MVB12B: variants seen among roughly 807,000 people sequenced by gnomAD.
MVB12B encodes ESCRT-I complex subunit MVB12B.
Under a neutral mutation model 41.6 loss-of-function variants are expected in MVB12B, and 16 were observed. That is an observed-to-expected ratio of 0.38 (90% CI 0.26 to 0.58). MVB12B has a LOEUF of 0.58. MVB12B is among the 20% of genes least tolerant of loss of function. MVB12B has a pLI of 0.62. For missense variants in MVB12B, 274 were observed against 380.2 expected, an observed-to-expected ratio of 0.72 and a Z score of 2.32; for synonymous variants, 133 against 139.7, an observed-to-expected ratio of 0.95 and a Z score of 0.34.
intron 6 of MVB12B, among the ~76,000 whole-genome samples, chr9:126,421,494 C>T (rs1017055400): frequency 6.6e-6 from 1 of 152,346 alleles, no homozygotes; most frequent in South Asian, 2.1e-4. Context: ...GTGTTCAGCG[C>T]CTGGGTTGTT....
In MVB12B at chr9:126,333,843, T is replaced by TTCCATCCA. The variant is rs59801697; in HGVS notation, c.82-6627_82-6620dup. The stretch of plus-strand genomic sequence containing the variant: ...CCATGGAAGATTACCTTTAGGTTCA[T>TTCCATCCA]TCCATCCATCCATCCATCCATCCAT... On this transcript the variant is annotated intron_variant, in intron 1 of 9. Coordinates refer to ENST00000361171, the MANE Select transcript of MVB12B (RefSeq NM_033446.3). This position sits in a 1 kb window ranked among gnomAD's most constrained non-coding sequence, Gnocchi z 4.7. Among the ~76,000 whole-genome samples, 13 of 149,668 alleles carry TTCCATCCA rather than the reference T, an allele frequency of 8.7e-5. No homozygotes were observed. Among genetic ancestry groups the TTCCATCCA allele is most frequent in the African/African-American group, 1.7e-4 (7 of 40,450 alleles).
rs1295587829 is a variant in MVB12B, at chr9:126,350,036, A to ATGG, written c.204+9406_204+9407insTGG. Among the ~76,000 whole-genome samples the ATGG allele has an allele frequency of 3.5e-4, 54 of 152,248 alleles. 1 individual carries two copies. Among genetic ancestry groups the ATGG allele is most frequent in the Admixed American group, 5.2e-4 (8 of 15,288 alleles). Reference sequence around the variant, plus strand: ...ATTTTTTTGTTTTAGCCATTCTGACACGTGCATAGTGATAATTCATTTGGT... The same window carrying ATGG: ...ATTTTTTTGTTTTAGCCATTCTGACATGGCGTGCATAGTGATAATTCATTTGGT... On this transcript the variant is annotated intron_variant, in intron 2 of 9. Coordinates refer to ENST00000361171, the MANE Select transcript of MVB12B (RefSeq NM_033446.3).
chr9:126,499,525 A>G (rs925868592), intron 9 of MVB12B, among the ~76,000 whole-genome samples: 1 of 152,228 alleles, frequency 6.6e-6, no homozygotes, highest in South Asian at 2.1e-4. Flanking sequence ...ATCCGGGTCC[A>G]AATCCACCTT....
chr9:126,430,203 G>A (rs1832294184), intron 7 of MVB12B, among the ~76,000 whole-genome samples: 3 of 152,074 alleles, frequency 2.0e-5, no homozygotes, highest in Admixed American at 2.0e-4. Context: ...ACACCTTTGT[G>A]CCCCTCCACA....
At chr9:126,430,934 T>C (rs1013143693) in intron 7 of MVB12B, among the ~76,000 whole-genome samples, 9 of 152,212 alleles carry the variant, frequency 5.9e-5, no homozygotes, top group African/African-American at 2.2e-4. Context: ...TCCTGGATTG[T>C]TGTGAAGATC....
chr9:126,335,262 C>G, intron 1 of MVB12B: 1 of 1,255,428 alleles, frequency 8.0e-7, no homozygotes, highest in Non-Finnish European at 1.0e-6. Context: ...GTCCAAAGTT[C>G]AGAAGGTGTC....
At position 126,367,240 on chromosome 9, in the gene MVB12B, C is replaced by G. The variant is rs1435221528; in HGVS notation, c.205-13824C>G. On this transcript the variant is annotated intron_variant, in intron 2 of 9. Transcript: ENST00000361171. This position sits in a 1 kb window ranked among gnomAD's most constrained non-coding sequence, Gnocchi z 4.3. ...GAATTTCTCCTTCCTGCCCGGGGCTCTCCAGCCACGCTCCCCCTCTTGCTC... is the reference window on the plus strand; with the variant it reads ...GAATTTCTCCTTCCTGCCCGGGGCTGTCCAGCCACGCTCCCCCTCTTGCTC... Among the ~76,000 whole-genome samples the G allele has an allele frequency of 6.6e-6, 1 of 152,104 alleles. No individual in the cohort carries two copies. The highest frequency in any genetic ancestry group is 1.5e-5 in the Non-Finnish European group (1 of 68,026).
intron 2 of MVB12B, among the ~76,000 whole-genome samples, chr9:126,368,826 CCTGA>C (rs1280680358): frequency 5.2e-4 from 79 of 152,304 alleles, no homozygotes; most frequent in African/African-American, 1.8e-3. Flanking sequence ...CATTTTTCTT[CCTGA>C]CTTTTTTCTC....
chr9:126,463,826 T>A (rs1028589094), intron 7 of MVB12B, among the ~76,000 whole-genome samples: 13 of 152,218 alleles, frequency 8.5e-5, no homozygotes, highest in Non-Finnish European at 1.9e-4. Context: ...CCATTTTTTT[T>A]AACCTGTAGG....
chr9:126,398,953 G>C (rs146931306), intron 6 of MVB12B, among the ~76,000 whole-genome samples: 27 of 152,368 alleles, frequency 1.8e-4, no homozygotes, highest in African/African-American at 6.0e-4. Flanking sequence ...TGCACCGTCT[G>C]TAGGCCATCA....
At chr9:126,355,159 C>T (rs1829848643) in intron 2 of MVB12B, among the ~76,000 whole-genome samples, 1 of 152,160 alleles carries the variant, frequency 6.6e-6, no homozygotes, top group Non-Finnish European at 1.5e-5. Context: ...GCTTCTTTTT[C>T]CTTAATATAG....
intron 9 of MVB12B, among the ~76,000 whole-genome samples, chr9:126,487,723 C>T (rs1004022714): frequency 6.7e-6 from 1 of 149,862 alleles, no homozygotes; most frequent in Non-Finnish European, 1.5e-5. Flanking sequence ...GCCGAGATTG[C>T]ACCATTGCAT....
At position 126,505,925 on chromosome 9, in the gene MVB12B, T is replaced by G. The variant is rs10739677; in HGVS notation, c.*2662T>G. ...CCCCACAGCACTTCCCACTACTGCT[T>G]CTGTCCCTGCTGGCAGCCTCTGTCC... On this transcript the variant is annotated 3_prime_UTR_variant, in exon 10 of 10. Coordinates refer to ENST00000361171, the MANE Select transcript of MVB12B (RefSeq NM_033446.3). 83,770 of 152,052 alleles carry G rather than the reference T, an allele frequency of 0.55. 24,272 individuals are homozygous for G. The highest frequency in any genetic ancestry group is 0.75 in the African/African-American group (30,980 of 41,446). The allele number at this position is 152,052 out of a possible 1,614,324, so 9.4% of individuals were successfully genotyped here.
At chr9:126,498,768 C>T (rs1010089230) in intron 9 of MVB12B, among the ~76,000 whole-genome samples, 7 of 152,220 alleles carry the variant, frequency 4.6e-5, no homozygotes, top group Non-Finnish European at 8.8e-5. Context: ...TGCCTTTTCT[C>T]GTCTGGAGCC....
At chr9:126,414,507 A>T (rs1831750499) in intron 6 of MVB12B, among the ~76,000 whole-genome samples, 1 of 152,222 alleles carries the variant, frequency 6.6e-6, no homozygotes, top group Non-Finnish European at 1.5e-5. Flanking sequence ...AGATTTTGGA[A>T]TAATAATCCA....
intron 7 of MVB12B, among the ~76,000 whole-genome samples, chr9:126,432,626 C>A (rs1832359921): frequency 6.6e-6 from 1 of 152,140 alleles, no homozygotes; most frequent in Admixed American, 6.5e-5. Context: ...GTTATTTAAT[C>A]CCAACAAATC....
intron 9 of MVB12B, among the ~76,000 whole-genome samples, chr9:126,498,067 G>A (rs573631518): frequency 1.3e-5 from 2 of 152,324 alleles, no homozygotes; most frequent in East Asian, 3.9e-4. Flanking sequence ...CGTGGGCACT[G>A]TGCTGGGCCC....
At chr9:126,425,659 G>A (rs1216927198) in intron 7 of MVB12B, among the ~76,000 whole-genome samples, 2 of 151,992 alleles carry the variant, frequency 1.3e-5, no homozygotes, top group African/African-American at 4.8e-5. Context: ...CTGTTCATTC[G>A]AGTTCCTCAG....
chr9:126,488,144 A>G (rs1833658540), intron 9 of MVB12B, among the ~76,000 whole-genome samples: 1 of 152,164 alleles, frequency 6.6e-6, no homozygotes, highest in South Asian at 2.1e-4. Flanking sequence ...GCCTGGAGCC[A>G]GAACGACTGG....
Sources: gnomAD v4.1 joint callset for allele counts (sites outside exome capture counted in the v4.1 genomes callset) on GRCh38, gnomAD v4.1.1 for gene constraint, Gnocchi (gnomAD v3.1) non-coding constraint, MANE v1.5 for transcripts, NCBI Gene and HGNC (gene_info 2026-07-23, HGNC 2026-07-21) for gene names.